Variants in CNTNAP5 observed in about 807,000 individuals in gnomAD.
The protein encoded by CNTNAP5 is contactin-associated protein-like 5.
In CNTNAP5, 72 loss-of-function variants were observed where a neutral mutation model predicts 150.2. The observed-to-expected ratio is 0.48, with a 90% CI of 0.40 to 0.58. The LOEUF (loss-of-function observed/expected upper bound fraction) is 0.58. CNTNAP5 is among the 20% of genes least tolerant of loss of function. The probability of loss-of-function intolerance (pLI) is 0.00; values close to 1 mark genes in which losing one functional copy is unlikely to be tolerated. For missense variants in CNTNAP5, 1,636 were observed against 1,626.2 expected (o/e 1.01, Z -0.10); for synonymous variants, 672 against 619.8 (o/e 1.08, Z -1.25).
chr2:124,174,988 A>G (rs183074933), intron 1 of CNTNAP5, among the ~76,000 whole-genome samples: 2 of 152,372 alleles, frequency 1.3e-5, no homozygotes, highest in African/African-American at 4.8e-5. Flanking sequence ...GGTGATCATT[A>G]GCATTTTTTA....
intron 3 of CNTNAP5, among the ~76,000 whole-genome samples, chr2:124,304,123 G>T (rs933491373): frequency 6.6e-6 from 1 of 152,074 alleles, no homozygotes; most frequent in African/African-American, 2.4e-5. Context: ...CAAGACAAAG[G>T]CTCTAACTGT....
At chr2:124,030,655 AAG>A (rs1211890254) in intron 1 of CNTNAP5, among the ~76,000 whole-genome samples, 1 of 152,106 alleles carries the variant, frequency 6.6e-6, no homozygotes, top group African/African-American at 2.4e-5. Flanking sequence ...TCACATCTAA[AAG>A]AAAAAAAAAA....
At chr2:124,121,234 AC>A (rs746292722) in intron 1 of CNTNAP5, among the ~76,000 whole-genome samples, 34 of 152,074 alleles carry the variant, frequency 2.2e-4, no homozygotes, top group Non-Finnish European at 3.8e-4. Context: ...ATAAGTGAAC[AC>A]CCTTACTACC....
At chr2:124,232,807 A>G (rs1686656512) in intron 2 of CNTNAP5, among the ~76,000 whole-genome samples, 1 of 152,198 alleles carries the variant, frequency 6.6e-6, no homozygotes, top group Non-Finnish European at 1.5e-5. Flanking sequence ...TACAAAAAAT[A>G]TCCATGGCAA....
intron 11 of CNTNAP5, among the ~76,000 whole-genome samples, chr2:124,572,055 G>A (rs2104940508): frequency 6.6e-6 from 1 of 152,266 alleles, no homozygotes; most frequent in Non-Finnish European, 1.5e-5. Flanking sequence ...GTTTGTTGAT[G>A]AGTATCCCAG....
chr2:124,448,946 T>G (rs1338390997), intron 6 of CNTNAP5, among the ~76,000 whole-genome samples: 2 of 152,168 alleles, frequency 1.3e-5, no homozygotes, highest in Non-Finnish European at 2.9e-5. Context: ...TACATACCTG[T>G]GGGTATGTGT....
At chr2:124,689,391 T>C (rs1377208710) in intron 13 of CNTNAP5, among the ~76,000 whole-genome samples, 1 of 152,108 alleles carries the variant, frequency 6.6e-6, no homozygotes, top group Non-Finnish European at 1.5e-5. Flanking sequence ...TGAATGGGAA[T>C]TGACCAAGCT....
intron 17 of CNTNAP5, among the ~76,000 whole-genome samples, chr2:124,785,919 T>C (rs1681556917): frequency 6.6e-6 from 1 of 152,072 alleles, no homozygotes; most frequent in South Asian, 2.1e-4. Flanking sequence ...GAGAATATAC[T>C]GAAAGCAGTC....
chr2:124,318,287 A>T (rs1689016650), intron 3 of CNTNAP5, among the ~76,000 whole-genome samples: 1 of 152,214 alleles, frequency 6.6e-6, no homozygotes, highest in African/African-American at 2.4e-5. Flanking sequence ...AAACATTAAC[A>T]TCTAAACCTT....
At chr2:124,093,494 A>T (rs2104688471) in intron 1 of CNTNAP5, among the ~76,000 whole-genome samples, 1 of 152,348 alleles carries the variant, frequency 6.6e-6, no homozygotes, top group South Asian at 2.1e-4. Flanking sequence ...ATGCTTAATG[A>T]TTCTTGGTAA....
intron 11 of CNTNAP5, among the ~76,000 whole-genome samples, chr2:124,564,516 G>A (rs991679391): frequency 7.2e-5 from 11 of 151,810 alleles, no homozygotes; most frequent in African/African-American, 2.4e-4. Flanking sequence ...CCACCACACC[G>A]GGCTAAATTT....
At chr2:124,317,121 G>A (rs1307246225) in intron 3 of CNTNAP5, among the ~76,000 whole-genome samples, 2 of 152,080 alleles carry the variant, frequency 1.3e-5, no homozygotes, top group African/African-American at 2.4e-5. Flanking sequence ...AAGAATATGT[G>A]GCTATTTACA....
At chr2:124,287,675 G>A (rs1458442600) in intron 3 of CNTNAP5, among the ~76,000 whole-genome samples, 1 of 152,108 alleles carries the variant, frequency 6.6e-6, no homozygotes, top group African/African-American at 2.4e-5. Context: ...TTTGTCATCA[G>A]TGTACAAGGT....
intron 3 of CNTNAP5, among the ~76,000 whole-genome samples, chr2:124,387,466 GC>G (rs1367201608): frequency 2.6e-5 from 4 of 152,224 alleles, no homozygotes. Context: ...AAGAGAGTCA[GC>G]GAAGGGAGAT....
At chr2:124,139,540 C>CTCT (rs1224203522) in intron 1 of CNTNAP5, among the ~76,000 whole-genome samples, 1 of 152,060 alleles carries the variant, frequency 6.6e-6, no homozygotes, top group African/African-American at 2.4e-5. Flanking sequence ...ACAAGAGAGT[C>CTCT]TCGGGAAAGA....
chr2:124,079,810 A>G (rs902896558), intron 1 of CNTNAP5, among the ~76,000 whole-genome samples: 1 of 152,112 alleles, frequency 6.6e-6, no homozygotes, highest in Non-Finnish European at 1.5e-5. Context: ...GCCACTGACA[A>G]ATAGGTTCAA....
At chr2:124,694,112 T>C (rs1352886250) in intron 13 of CNTNAP5, among the ~76,000 whole-genome samples, 1 of 152,190 alleles carries the variant, frequency 6.6e-6, no homozygotes, top group African/African-American at 2.4e-5. Context: ...CTCCCACTTC[T>C]AACTTTAAAA....
At chr2:124,760,465 C>A (rs1264216743) in intron 14 of CNTNAP5, among the ~76,000 whole-genome samples, 1 of 152,014 alleles carries the variant, frequency 6.6e-6, no homozygotes, top group Non-Finnish European at 1.5e-5. Context: ...TACCCCGCCC[C>A]CACCACTCTG....
At chr2:124,553,545 A>G (rs1004898407) in intron 10 of CNTNAP5, among the ~76,000 whole-genome samples, 1 of 151,754 alleles carries the variant, frequency 6.6e-6, no homozygotes, top group African/African-American at 2.4e-5. Flanking sequence ...GGAAAATAAA[A>G]GGATTGATTA....
Sources: allele counts gnomAD v4.1 joint callset (sites outside exome capture counted in the v4.1 genomes callset), GRCh38; gene constraint gnomAD v4.1.1; transcripts MANE v1.5; gene names NCBI Gene and HGNC (gene_info 2026-07-23, HGNC 2026-07-21).